Variants in MRNIP observed in about 807,000 individuals in gnomAD.
The protein encoded by MRNIP is MRN complex interacting protein, also known as MRN complex-interacting protein.
In MRNIP, 30 loss-of-function variants were observed where a neutral mutation model predicts 29.8. That is an observed-to-expected ratio of 1.01 (90% CI 0.75 to 1.36). The LOEUF (loss-of-function observed/expected upper bound fraction) is 1.36. Ranked by LOEUF, MRNIP falls within the 40% of genes most tolerant of loss-of-function variation. The pLI is 0.00. For synonymous variants in MRNIP, 201 were observed against 164.1 expected, an observed-to-expected ratio of 1.23 and a Z score of -1.72; for missense variants, 459 against 423.5, an observed-to-expected ratio of 1.08 and a Z score of -0.74.
rs983266233 is a variant in MRNIP at position 179,837,416 on chromosome 5, C to T, written c.1007G>A (p.Gly336Glu). The change falls in exon 7 of 7, where the codon GGG (glycine) becomes GAG (glutamate). Residue 336 changes from glycine (G) to glutamate (E), a missense_variant. Transcript: ENST00000292586. ...TCACACATCATCATCGAAGTCTTCC[C>T]CAGTTATAAAGAGGTCACATAGTCG... Reference protein sequence around the residue: ...PTRLCDLFITGEDFDDDV With the variant: ...PTRLCDLFITEEDFDDDV 6.3e-7 allele frequency: 1 copy of T among 1,597,130 alleles called. No homozygotes were observed. The highest frequency in any genetic ancestry group is 2.2e-5 in the East Asian group (1 of 44,652).
chr5:179,843,344 A>G (rs1018329033), intron 4 of MRNIP, among the ~76,000 whole-genome samples: 1 of 152,166 alleles, frequency 6.6e-6, no homozygotes, highest in African/African-American at 2.4e-5. Flanking sequence ...AGGATGCAAA[A>G]AAGTATTTCT....
intron 2 of MRNIP, among the ~76,000 whole-genome samples, chr5:179,849,125 G>C (rs977434322): frequency 1.3e-5 from 2 of 149,324 alleles, no homozygotes; most frequent in African/African-American, 2.5e-5. Flanking sequence ...CATGGGTCCT[G>C]CTATGGCACA....
chr5:179,837,854 T>C lies in MRNIP; in HGVS notation c.569A>G (p.Gln190Arg). 6.2e-7 allele frequency: 1 copy of C among 1,609,638 alleles called. No individual in the cohort carries two copies. Among genetic ancestry groups the C allele is most frequent in the Non-Finnish European group, 8.5e-7 (1 of 1,179,858 alleles). The part of the protein sequence containing the change: ...GQAGLTWKVK[Q>R]GSSPCLQENS... The stretch of plus-strand genomic sequence containing the variant: ...CTCCTGGAGGCAGGGGCTGCTGCCT[T>C]GTTTCACCTTCCATGTCAGGCCAGC... Residue 190 changes from glutamine to arginine, a missense_variant, in exon 7 of 7, where the codon CAA becomes CGA. Transcript: ENST00000292586.
chr5:179,840,625 T>A, intron 6 of MRNIP: 1 of 567,466 alleles, frequency 1.8e-6, no homozygotes, highest in Admixed American at 3.3e-5. Flanking sequence ...AACCTCAGTT[T>A]CTCCAAGGGT....
chr5:179,839,392 G>C (rs1031309415), intron 6 of MRNIP: 1 of 152,240 alleles, frequency 6.6e-6, no homozygotes, highest in Non-Finnish European at 1.5e-5. Flanking sequence ...CTTGACGTTG[G>C]CTTTGCCACT....
chr5:179,857,375 C>T (rs774266291), intron 1 of MRNIP, among the ~76,000 whole-genome samples: 2 of 151,886 alleles, frequency 1.3e-5, no homozygotes, highest in Admixed American at 6.6e-5. Context: ...GCAGGAGAAT[C>T]GCTTGAACCC....
intron 4 of MRNIP, among the ~76,000 whole-genome samples, chr5:179,842,948 G>T (rs914390067): frequency 6.6e-6 from 1 of 151,436 alleles, no homozygotes; most frequent in African/African-American, 2.4e-5. Flanking sequence ...CAGGAGAATT[G>T]CTTGAACTCA....
Position 179,837,522 on chromosome 5 carries a change from C to G in MRNIP, c.901G>C (p.Gly301Arg). 1 of 1,614,214 alleles carries G rather than the reference C, an allele frequency of 6.2e-7. No individual in the cohort carries two copies. The highest frequency in any genetic ancestry group is 8.5e-7 in the Non-Finnish European group (1 of 1,180,028). ...GTCCTTGCGTCCCATGAGGTCTTCC[C>G]GCAAGGCCTCTCAGACCCAGATGTG... ...PVTSGSERPC[G>R]KTSWDARTPW... is the part of the protein sequence containing the mutation. Residue 301 changes from glycine (G) to arginine (R), a missense_variant, in exon 7 of 7, where the codon GGG becomes CGG. Coordinates refer to ENST00000292586, the MANE Select transcript of MRNIP (RefSeq NM_016175.4).
intron 2 of MRNIP, among the ~76,000 whole-genome samples, chr5:179,849,700 A>G (rs1332389189): frequency 5.7e-4 from 60 of 105,350 alleles, no homozygotes; most frequent in East Asian, 2.0e-3. Context: ...GATGGTAAGA[A>G]ACAGAATTTG....
chr5:179,841,754 A>T, intron 5 of MRNIP, 153 bp downstream of exon 5: 1 of 778,236 alleles, frequency 1.3e-6, no homozygotes, highest in Non-Finnish European at 2.1e-6. Context: ...CTGTGGGGCC[A>T]GCAGTGGCAG....
chr5:179,858,406 C>A (rs1759694374), intron 1 of MRNIP, among the ~76,000 whole-genome samples: 1 of 151,968 alleles, frequency 6.6e-6, no homozygotes. Flanking sequence ...CCGTCCTCCC[C>A]CTCTCACTGA....
chr5:179,848,148 G>A, intron 2 of MRNIP, 82 bp from the exon 3 acceptor site: 1 of 1,057,410 alleles, frequency 9.5e-7, no homozygotes, highest in Non-Finnish European at 1.5e-6. Context: ...GCACCTCAGG[G>A]AGGACAAAGC....
chr5:179,837,957 C>CCTGGGCCTTGG, intron 6 of MRNIP, 72 bp from the exon 7 acceptor site: 3 of 1,457,658 alleles, frequency 2.1e-6, no homozygotes, highest in Middle Eastern at 2.5e-4. Flanking sequence ...GCCTGCCCTG[C>CCTGGGCCTTGG]CTGGGCCTTG....
At chr5:179,838,050 CAAAT>C in intron 6 of MRNIP, 165 bp from the exon 7 acceptor site, 1 of 638,686 alleles carries the variant, frequency 1.6e-6, no homozygotes, top group Non-Finnish European at 2.7e-6. Context: ...CAAGACAAAG[CAAAT>C]AAATGCCTTC....
At chr5:179,848,413 G>A (rs1293648180) in intron 2 of MRNIP, among the ~76,000 whole-genome samples, 1 of 152,160 alleles carries the variant, frequency 6.6e-6, no homozygotes, top group Non-Finnish European at 1.5e-5. Context: ...ATAACATACT[G>A]CCAAAAAATA....
At chr5:179,850,347 G>A (rs269458) in intron 2 of MRNIP, among the ~76,000 whole-genome samples, 91,230 of 152,184 alleles carry the variant, frequency 0.6, 28,747 homozygotes, top group African/African-American at 0.79. Context: ...ATTCTTAACA[G>A]TCTGGCCTTT....
chr5:179,840,846 C>T, intron 6 of MRNIP, 26 bp downstream of exon 6: 4 of 1,506,450 alleles, frequency 2.7e-6, no homozygotes, highest in South Asian at 1.2e-5. Flanking sequence ...GTCACTGGGA[C>T]CAGAGAGAAA....
rs372880666 is a variant in MRNIP, at chr5:179,837,736, C to G, written c.687G>C (p.Trp229Cys). 1.1e-4 allele frequency: 170 copies of G among 1,614,138 alleles called. No individual in the cohort carries two copies. The highest frequency in any genetic ancestry group is 1.4e-4 in the Non-Finnish European group (166 of 1,180,048). ...TTCTAGGTGGCAGGACAAATTGCGC[C>G]CATTTAGAGGATGTGGCTGTAACCT... ...IQQVTATSSK[W>C]AQFVLPPRKS... is the part of the protein sequence containing the mutation. The change falls in exon 7 of 7, where the codon TGG becomes TGC. Residue 229 changes from tryptophan (W) to cysteine (C), a missense_variant. Physicochemically the swap from Trp to Cys is radical, Grantham distance 215. Coordinates refer to ENST00000292586, the MANE Select transcript of MRNIP (RefSeq NM_016175.4).
At chr5:179,843,180 T>G (rs1276297387) in intron 4 of MRNIP, among the ~76,000 whole-genome samples, 1 of 151,938 alleles carries the variant, frequency 6.6e-6, no homozygotes, top group Non-Finnish European at 1.5e-5. Flanking sequence ...ATACTTTTGT[T>G]TTTTGAGACG....
Sources: gnomAD v4.1 joint callset for allele counts (sites outside exome capture counted in the v4.1 genomes callset) on GRCh38, gnomAD v4.1.1 for gene constraint, MANE v1.5 for transcripts, NCBI Gene and HGNC (gene_info 2026-07-23, HGNC 2026-07-21) for gene names.